Variants in CTNND2 observed in about 807,000 individuals in gnomAD.
CTNND2 encodes catenin delta 2.
CTNND2 carries 22 observed loss-of-function variants against 144.4 expected under a neutral mutation model. The ratio of observed to expected loss-of-function variants is 0.15; its 90% CI spans 0.11 to 0.22. The LOEUF (loss-of-function observed/expected upper bound fraction) is 0.22, where lower values mean the gene tolerates loss of function less well. CTNND2 is among the 10% of genes least tolerant of loss of function. The pLI, the probability that CTNND2 is intolerant of heterozygous loss-of-function variation, is 1.00. For missense variants in CTNND2, 1,353 were observed against 1,618.8 expected (o/e 0.84, Z 2.82); for synonymous variants, 751 against 695.6 (o/e 1.08, Z -1.25).
At chr5:11,359,098 A>C (rs1051314999) in intron 8 of CTNND2, among the ~76,000 whole-genome samples, 15 of 152,226 alleles carry the variant, frequency 9.9e-5, no homozygotes, top group African/African-American at 3.6e-4. Flanking sequence ...GTTTGAAATA[A>C]AAATTCATGT....
intron 18 of CTNND2, among the ~76,000 whole-genome samples, chr5:11,003,991 C>A (rs984904006): frequency 6.6e-6 from 1 of 152,162 alleles, no homozygotes; most frequent in South Asian, 2.1e-4. Flanking sequence ...ATTCAATTTA[C>A]TGCTACTGGG....
At chr5:11,697,385 T>C (rs1219167743) in intron 2 of CTNND2, among the ~76,000 whole-genome samples, 1 of 152,190 alleles carries the variant, frequency 6.6e-6, no homozygotes, top group Non-Finnish European at 1.5e-5. Flanking sequence ...ACAGACACAG[T>C]AGTGGAATAA....
intron 3 of CTNND2, 111 bp downstream of exon 3, chr5:11,564,833 C>T (rs1349869639): frequency 2.3e-5 from 16 of 688,034 alleles, no homozygotes; most frequent in South Asian, 3.9e-5. Flanking sequence ...TTCTTTCCAA[C>T]GTTTGACTGA....
intron 1 of CTNND2, among the ~76,000 whole-genome samples, chr5:11,838,470 G>C (rs1451564139): frequency 2.0e-5 from 3 of 152,140 alleles, no homozygotes; most frequent in Non-Finnish European, 4.4e-5. Flanking sequence ...ATGAATCCCA[G>C]CCTTTTTATG....
chr5:10,974,272 G>A (rs941408356), intron 21 of CTNND2, among the ~76,000 whole-genome samples: 10 of 152,172 alleles, frequency 6.6e-5, no homozygotes, highest in African/African-American at 1.7e-4. Flanking sequence ...ACCTTGATCC[G>A]TTTTTGTGGC....
At chr5:11,744,627 G>C (rs1338962284) in intron 1 of CTNND2, among the ~76,000 whole-genome samples, 1 of 152,150 alleles carries the variant, frequency 6.6e-6, no homozygotes, top group Non-Finnish European at 1.5e-5. Flanking sequence ...GAGAAGAAAA[G>C]TGGGGTCAGC....
intron 1 of CTNND2, among the ~76,000 whole-genome samples, chr5:11,796,967 C>T (rs1303636230): frequency 6.6e-6 from 1 of 152,142 alleles, no homozygotes; most frequent in African/African-American, 2.4e-5. Context: ...AGGAATTTTA[C>T]AGAACTATTG....
intron 7 of CTNND2, among the ~76,000 whole-genome samples, chr5:11,382,974 C>T (rs1026483853): frequency 6.6e-6 from 1 of 152,088 alleles, no homozygotes; most frequent in Non-Finnish European, 1.5e-5. Flanking sequence ...CTTTTACTAC[C>T]TCTTCTTAGA....
intron 10 of CTNND2, among the ~76,000 whole-genome samples, chr5:11,208,972 T>A (rs1738340177): frequency 6.6e-6 from 1 of 152,156 alleles, no homozygotes. Context: ...CCAGTGACGT[T>A]GAGTCTTTGA....
At chr5:11,478,516 T>C (rs903357040) in intron 3 of CTNND2, among the ~76,000 whole-genome samples, 5 of 152,236 alleles carry the variant, frequency 3.3e-5, no homozygotes, top group African/African-American at 1.2e-4. Flanking sequence ...CAAAGCACTT[T>C]GTCAAAACAC....
At chr5:11,585,390 CTG>C (rs1244824987) in intron 2 of CTNND2, among the ~76,000 whole-genome samples, 3 of 151,988 alleles carry the variant, frequency 2.0e-5, no homozygotes, top group Non-Finnish European at 4.4e-5. Flanking sequence ...AAAAAGAACA[CTG>C]TATATTTGAT....
At chr5:11,614,545 G>A (rs1780487693) in intron 2 of CTNND2, among the ~76,000 whole-genome samples, 1 of 152,216 alleles carries the variant, frequency 6.6e-6, no homozygotes, top group South Asian at 2.1e-4. Flanking sequence ...TTAACAAAGA[G>A]AAACTCCTGA....
At chr5:11,229,672 G>GTGTGTGTGTA (rs764623509) in intron 10 of CTNND2, among the ~76,000 whole-genome samples, 1 of 147,598 alleles carries the variant, frequency 6.8e-6, no homozygotes, top group Admixed American at 6.8e-5. Context: ...GTGTGTGTGT[G>GTGTGTGTGTA]TATATATATA....
intron 2 of CTNND2, among the ~76,000 whole-genome samples, chr5:11,619,961 A>G (rs1780755337): frequency 6.6e-6 from 1 of 152,232 alleles, no homozygotes; most frequent in African/African-American, 2.4e-5. Flanking sequence ...AGATATTTTC[A>G]AATATGTTTT....
At chr5:11,644,695 C>G (rs1782257912) in intron 2 of CTNND2, among the ~76,000 whole-genome samples, 1 of 150,712 alleles carries the variant, frequency 6.6e-6, no homozygotes, top group Non-Finnish European at 1.5e-5. Context: ...AAAAATGATA[C>G]CAAGCAATAT....
intron 2 of CTNND2, among the ~76,000 whole-genome samples, chr5:11,727,969 G>T (rs1787113006): frequency 6.6e-6 from 1 of 152,182 alleles, no homozygotes; most frequent in Non-Finnish European, 1.5e-5. Context: ...CTTCCAAATA[G>T]TATTCTTGTT....
At chr5:11,843,822 C>T (rs1794607776) in intron 1 of CTNND2, among the ~76,000 whole-genome samples, 1 of 151,544 alleles carries the variant, frequency 6.6e-6, no homozygotes, top group African/African-American at 2.4e-5. Context: ...ATTTTTTTTC[C>T]AGGGGTGGTT....
At chr5:11,362,744 A>T (rs1331672701) in intron 8 of CTNND2, among the ~76,000 whole-genome samples, 1 of 151,496 alleles carries the variant, frequency 6.6e-6, no homozygotes, top group Non-Finnish European at 1.5e-5. Flanking sequence ...TTAGAAGGTT[A>T]CTATTGCCTC....
chr5:11,584,417 ATTT>A (rs146463821), intron 2 of CTNND2, among the ~76,000 whole-genome samples: 13 of 129,170 alleles, frequency 1.0e-4, no homozygotes, highest in South Asian at 2.5e-4. Flanking sequence ...ATATATATAT[ATTT>A]TTTTTGGGGG....
Sources: gnomAD v4.1 joint callset for allele counts (sites outside exome capture counted in the v4.1 genomes callset) on GRCh38, gnomAD v4.1.1 for gene constraint, MANE v1.5 for transcripts, NCBI Gene and HGNC (gene_info 2026-07-23, HGNC 2026-07-21) for gene names.